CBX1: variants seen among roughly 807,000 people sequenced by gnomAD.
CBX1 encodes the protein chromobox protein homolog 1.
Under a neutral mutation model 25.1 loss-of-function variants are expected in CBX1, and 10 were observed. The observed-to-expected ratio is 0.40, with a 90% CI of 0.25 to 0.68. The LOEUF (loss-of-function observed/expected upper bound fraction) is 0.68, where lower values mean the gene tolerates loss of function less well. Ranked by LOEUF, CBX1 falls within the 30% of genes least tolerant of loss-of-function variation. The probability of loss-of-function intolerance (pLI) is 0.40; values close to 1 mark genes in which losing one functional copy is unlikely to be tolerated. For missense variants in CBX1, 106 were observed against 218.5 expected (o/e 0.49, Z 3.25); for synonymous variants, 63 against 79.4 (o/e 0.79, Z 1.10).
chr17:48,087,251 A>G (rs1423905875), intron 1 of CBX1, among the ~76,000 whole-genome samples: 3 of 151,030 alleles, frequency 2.0e-5, no homozygotes, highest in Admixed American at 6.6e-5. Flanking sequence ...CTTCACCTCT[A>G]TGAGAATCAG....
At chr17:48,090,472 A>C (rs1343713509) in intron 1 of CBX1, among the ~76,000 whole-genome samples, 1 of 152,142 alleles carries the variant, frequency 6.6e-6, no homozygotes, top group Non-Finnish European at 1.5e-5. Context: ...AAATCCTGGT[A>C]ATTTTATATC....
At chr17:48,092,042 A>C (rs1363793091) in intron 1 of CBX1, among the ~76,000 whole-genome samples, 2 of 130,372 alleles carry the variant, frequency 1.5e-5, no homozygotes, top group Admixed American at 9.0e-5. Flanking sequence ...CCAGGCTGGA[A>C]TACAATGGTG....
intron 1 of CBX1, among the ~76,000 whole-genome samples, chr17:48,077,433 GTTT>G (rs113914818): frequency 1.6e-5 from 2 of 128,862 alleles, no homozygotes; most frequent in African/African-American, 5.9e-5. Context: ...AATTTTTGTT[GTTT>G]TTTTTTTTGT....
At position 48,091,880 on chromosome 17, in the gene CBX1, T is replaced by C. The variant is rs560416874; in HGVS notation, c.-38+9388A>G. On this transcript the variant is annotated intron_variant, in intron 1 of 4. Coordinates refer to ENST00000225603, the MANE Select transcript of CBX1 (RefSeq NM_001127228.2). ...TTTTAGTAGAGAGGGGGTTTCACCA[T>C]GTTGGCCAGGCTGGTCTCGAACTCC... Among the ~76,000 whole-genome samples, 3 of 151,922 alleles carry C rather than the reference T, an allele frequency of 2.0e-5. No homozygotes were observed. In the South Asian group the frequency reaches 6.2e-4, roughly 32 times the overall value.
intron 1 of CBX1, among the ~76,000 whole-genome samples, chr17:48,091,321 AG>A (rs1178305400): frequency 2.6e-5 from 4 of 151,134 alleles, no homozygotes; most frequent in Admixed American, 2.6e-4. Context: ...TAACCCGTTT[AG>A]GTTGAAGATC....
In CBX1 at chr17:48,076,190, G is replaced by A. The variant is rs773586148; in HGVS notation, c.141-12C>T. 5.2e-6 allele frequency: 8 copies of A among 1,536,022 alleles called. No individual in the cohort carries two copies. The highest frequency in any genetic ancestry group is 7.1e-6 in the Non-Finnish European group (8 of 1,130,234). On this transcript the variant is annotated splice_polypyrimidine_tract_variant and intron_variant, in intron 2 of 4. Coordinates refer to ENST00000225603, the MANE Select transcript of CBX1 (RefSeq NM_001127228.2). ...ATGTGTTGTCCTCACTGAAACCAGA[G>A]GGCACAGCAAGTCACACTTTCACTC...
intron 4 of CBX1, 164 bp downstream of exon 4, chr17:48,074,842 G>A (rs1197886881): frequency 2.9e-5 from 19 of 647,930 alleles, no homozygotes; most frequent in South Asian, 2.8e-4. Context: ...TAACTCATGA[G>A]TCCAGGGTGG....
intron 1 of CBX1, among the ~76,000 whole-genome samples, chr17:48,098,906 G>C (rs1407084823): frequency 6.6e-6 from 1 of 152,112 alleles, no homozygotes; most frequent in Non-Finnish European, 1.5e-5. Flanking sequence ...CAAATGGTGT[G>C]AACAACAAAG....
intron 1 of CBX1, among the ~76,000 whole-genome samples, chr17:48,092,693 C>G (rs994921123): frequency 5.3e-5 from 8 of 152,026 alleles, no homozygotes; most frequent in Admixed American, 5.2e-4. Flanking sequence ...ACCTCGTGAT[C>G]CACTTACCTC....
At chr17:48,098,826 T>C (rs944817746) in intron 1 of CBX1, among the ~76,000 whole-genome samples, 8 of 151,766 alleles carry the variant, frequency 5.3e-5, no homozygotes, top group Non-Finnish European at 1.2e-4. Context: ...GCAGATAGGA[T>C]TTTTTTTTAA....
At chr17:48,084,770 C>A (rs112954260) in intron 1 of CBX1, among the ~76,000 whole-genome samples, 1 of 149,626 alleles carries the variant, frequency 6.7e-6, no homozygotes, top group African/African-American at 2.5e-5. Context: ...ATTAGCTGGG[C>A]GTGATGGCGG....
intron 1 of CBX1, among the ~76,000 whole-genome samples, chr17:48,081,083 C>T (rs568817666): frequency 6.8e-6 from 1 of 147,068 alleles, no homozygotes; most frequent in South Asian, 2.2e-4. Flanking sequence ...ATGAGACTGC[C>T]TAATTTTTGT....
rs1312536461 is a variant in CBX1, at chr17:48,101,282, C to G, written c.-52G>C. ...GGGCTCCTCACCTCAGAGCAGCGCC[C>G]AAGAGCCCGAGAGGAATCGGTGCTG... On this transcript the variant is annotated 5_prime_UTR_variant, in exon 1 of 5. Coordinates refer to ENST00000225603, the MANE Select transcript of CBX1 (RefSeq NM_001127228.2). The G allele has an allele frequency of 6.1e-6, 6 of 986,556 alleles. No homozygotes were observed. Among genetic ancestry groups the G allele is most frequent in the Non-Finnish European group, 7.2e-6 (6 of 830,148 alleles). The allele number at this position is 986,556 out of a possible 1,614,324, so 61.1% of individuals were successfully genotyped here.
intron 1 of CBX1, among the ~76,000 whole-genome samples, chr17:48,092,941 A>G (rs2063351734): frequency 6.6e-6 from 1 of 151,978 alleles, no homozygotes; most frequent in Admixed American, 6.6e-5. Context: ...GTGGTGGCGC[A>G]TGCCTGTAAT....
chr17:48,096,685 G>A (rs543854436), intron 1 of CBX1, among the ~76,000 whole-genome samples: 134 of 152,278 alleles, frequency 8.8e-4, no homozygotes, highest in African/African-American at 2.6e-3. Context: ...TGAGGCAGGA[G>A]AATCACTTGA....
At chr17:48,096,030 A>G (rs933212867) in intron 1 of CBX1, among the ~76,000 whole-genome samples, 1 of 152,148 alleles carries the variant, frequency 6.6e-6, no homozygotes, top group African/African-American at 2.4e-5. Context: ...ACAGGCATGC[A>G]CCACCACGCC....
At chr17:48,092,572 G>A (rs1436332639) in intron 1 of CBX1, among the ~76,000 whole-genome samples, 2 of 151,304 alleles carry the variant, frequency 1.3e-5, no homozygotes, top group Non-Finnish European at 2.9e-5. Context: ...TCCTGCCTCA[G>A]CCTCCTGAGT....
At chr17:48,072,967 C>T (rs2037639407) in intron 4 of CBX1, among the ~76,000 whole-genome samples, 2 of 151,816 alleles carry the variant, frequency 1.3e-5, no homozygotes, top group Admixed American at 6.6e-5. Flanking sequence ...ACTAAAAATA[C>T]AAAAATTAGC....
chr17:48,075,788 G>T (rs944926729), intron 3 of CBX1, among the ~76,000 whole-genome samples: 4 of 152,134 alleles, frequency 2.6e-5, no homozygotes, highest in Non-Finnish European at 5.9e-5. Flanking sequence ...TCTGTCCCCA[G>T]CAAGTTTTCC....
Sources: gnomAD v4.1 joint callset for allele counts (sites outside exome capture counted in the v4.1 genomes callset) on GRCh38, gnomAD v4.1.1 for gene constraint, MANE v1.5 for transcripts, NCBI Gene and HGNC (gene_info 2026-07-23, HGNC 2026-07-21) for gene names.